CTNNA2: variants seen among roughly 807,000 people sequenced by gnomAD.
CTNNA2 encodes catenin alpha 2.
Under a neutral mutation model 101.0 loss-of-function variants are expected in CTNNA2, and 42 were observed. The observed-to-expected ratio is 0.42, with a 90% CI of 0.32 to 0.54. The LOEUF is 0.54. Ranked by LOEUF, CTNNA2 falls within the 20% of genes least tolerant of loss-of-function variation. The pLI is 0.14. For missense variants in CTNNA2, 871 were observed against 1,223.1 expected, an observed-to-expected ratio of 0.71 and a Z score of 4.29; for synonymous variants, 450 against 456.4, an observed-to-expected ratio of 0.99 and a Z score of 0.18.
At chr2:79,488,980 C>T (rs943165663) in intron 4 of CTNNA2, among the ~76,000 whole-genome samples, 1 of 152,156 alleles carries the variant, frequency 6.6e-6, no homozygotes, top group African/African-American at 2.4e-5. Flanking sequence ...CTGTTTTCTT[C>T]TCTACTTTAT....
intron 3 of CTNNA2, among the ~76,000 whole-genome samples, chr2:79,840,729 C>G (rs1449192023): frequency 6.6e-6 from 1 of 150,390 alleles, no homozygotes; most frequent in Non-Finnish European, 1.5e-5. Context: ...GGCCAGGAGT[C>G]TGAGATCAGC....
chr2:80,273,163 A>T (rs1320944031), intron 7 of CTNNA2, among the ~76,000 whole-genome samples: 2 of 152,158 alleles, frequency 1.3e-5, no homozygotes, highest in Non-Finnish European at 2.9e-5. Context: ...ATTATTTTTA[A>T]AATTTTTAAC....
At chr2:80,448,002 T>C (rs528417748) in intron 9 of CTNNA2, among the ~76,000 whole-genome samples, 24 of 152,340 alleles carry the variant, frequency 1.6e-4, no homozygotes, top group Admixed American at 1.2e-3. Context: ...ATATTTGTGG[T>C]AAAGTCTCCG....
chr2:80,095,633 T>G (rs1236023676), intron 7 of CTNNA2, among the ~76,000 whole-genome samples: 2 of 152,214 alleles, frequency 1.3e-5, no homozygotes, highest in Non-Finnish European at 2.9e-5. Flanking sequence ...CGTCTGGTCC[T>G]GGACTTTTTT....
rs191704298 is a variant in CTNNA2, at chr2:80,400,033, C to T, written c.1137+6742C>T. ...TCTTATCCAAAACTGTCACTGAAAA[C>T]GAGATAATTTTAGAGTGTGTGGTGC... On this transcript the variant is annotated intron_variant, in intron 8 of 18. Transcript: ENST00000402739. Among the ~76,000 whole-genome samples the T allele has an allele frequency of 1.3e-3, 197 of 152,248 alleles. 1 individual carries two copies. Among genetic ancestry groups the T allele is most frequent in the Non-Finnish European group, 2.5e-3 (167 of 68,010 alleles).
At chr2:79,858,271 A>G in intron 4 of CTNNA2, 92 bp downstream of exon 4, 2 of 1,009,738 alleles carry the variant, frequency 2.0e-6, no homozygotes, top group South Asian at 3.2e-5. Flanking sequence ...TAGATGTTTC[A>G]TTGCTCACCA....
intron 4 of CTNNA2, among the ~76,000 whole-genome samples, chr2:79,447,647 T>C (rs1257143777): frequency 6.6e-6 from 1 of 151,972 alleles, no homozygotes; most frequent in Non-Finnish European, 1.5e-5. Context: ...GTCAAGGACA[T>C]TGAGTTTCAA....
intron 9 of CTNNA2, among the ~76,000 whole-genome samples, chr2:80,432,454 G>A (rs1020228992): frequency 2.0e-5 from 3 of 152,140 alleles, no homozygotes; most frequent in East Asian, 3.8e-4. Flanking sequence ...CCAGATTGCT[G>A]CCTTTGGCTG....
chr2:79,869,202 C>G (rs1682388304), intron 4 of CTNNA2, among the ~76,000 whole-genome samples: 1 of 152,214 alleles, frequency 6.6e-6, no homozygotes, highest in South Asian at 2.1e-4. Flanking sequence ...TTGCCATCAT[C>G]CTCTCCACCC....
At chr2:80,492,788 G>A (rs1217364597) in intron 9 of CTNNA2, among the ~76,000 whole-genome samples, 1 of 152,040 alleles carries the variant, frequency 6.6e-6, no homozygotes, top group African/African-American at 2.4e-5. Context: ...GCCTTGTGCT[G>A]GTTTTTCCTT....
intron 2 of CTNNA2, among the ~76,000 whole-genome samples, chr2:79,293,777 A>G (rs975397733): frequency 6.6e-6 from 1 of 152,174 alleles, no homozygotes; most frequent in African/African-American, 2.4e-5. Flanking sequence ...GTATGAGGGT[A>G]AACAGAAAAT....
chr2:80,246,196 G>A (rs1671318020), intron 7 of CTNNA2, among the ~76,000 whole-genome samples: 1 of 152,148 alleles, frequency 6.6e-6, no homozygotes, highest in South Asian at 2.1e-4. Flanking sequence ...GCCCATCCCA[G>A]CATCAAATGC....
At chr2:80,169,727 G>A (rs1432504092) in intron 7 of CTNNA2, among the ~76,000 whole-genome samples, 4 of 152,226 alleles carry the variant, frequency 2.6e-5, no homozygotes, top group South Asian at 2.1e-4. Flanking sequence ...CACTAGCTCC[G>A]TGTCATTTTG....
intron 3 of CTNNA2, among the ~76,000 whole-genome samples, chr2:79,760,287 ATGTGTGTGTGTGTG>A (rs72350498): frequency 6.7e-6 from 1 of 149,734 alleles, no homozygotes; most frequent in East Asian, 2.0e-4. Context: ...TACATATAAA[ATGTGTGTGTGTGTG>A]TGTGTGTGTG....
intron 9 of CTNNA2, among the ~76,000 whole-genome samples, chr2:80,443,893 A>T (rs1425700675): frequency 6.6e-6 from 1 of 152,216 alleles, no homozygotes; most frequent in Non-Finnish European, 1.5e-5. Flanking sequence ...TGCCCTAGAG[A>T]CCAAATGGGG....
At chr2:79,311,408 C>CAAAAAAAGAA (rs1676368464) in intron 2 of CTNNA2, among the ~76,000 whole-genome samples, 1 of 67,060 alleles carries the variant, frequency 1.5e-5, no homozygotes, top group Non-Finnish European at 3.0e-5. Flanking sequence ...GACTCCGTCT[C>CAAAAAAAGAA]AAAAAAAAAA....
At chr2:80,122,164 C>T (rs565130728) in intron 7 of CTNNA2, among the ~76,000 whole-genome samples, 4 of 152,096 alleles carry the variant, frequency 2.6e-5, no homozygotes, top group African/African-American at 9.6e-5. Context: ...TGGAATCTCT[C>T]TCTTTCTCTC....
In CTNNA2 at chr2:80,647,929, T is replaced by G; in HGVS notation, c.*57T>G. The G allele has an allele frequency of 6.7e-7, 1 of 1,501,606 alleles. No homozygotes were observed. Among genetic ancestry groups the G allele is most frequent in the Non-Finnish European group, 8.9e-7 (1 of 1,121,864 alleles). The allele number at this position is 1,501,606 out of a possible 1,614,324, so 93.0% of individuals were successfully genotyped here. ...TTCTTTTCTTTCTTTCTTTTTCTTTTTAATTCCATTTTTGTATGCATACCT... is the reference window on the plus strand; with the variant it reads ...TTCTTTTCTTTCTTTCTTTTTCTTTGTAATTCCATTTTTGTATGCATACCT... On this transcript the variant is annotated 3_prime_UTR_variant, in exon 19 of 19. Transcript: ENST00000402739.
intron 4 of CTNNA2, among the ~76,000 whole-genome samples, chr2:79,401,625 C>T (rs1359121181): frequency 1.3e-5 from 2 of 151,034 alleles, no homozygotes; most frequent in Non-Finnish European, 3.0e-5. Flanking sequence ...AAGTAAATCA[C>T]AGGGAAATTA....
Sources: allele counts gnomAD v4.1 joint callset (sites outside exome capture counted in the v4.1 genomes callset), GRCh38; gene constraint gnomAD v4.1.1; transcripts MANE v1.5; gene names NCBI Gene and HGNC (gene_info 2026-07-23, HGNC 2026-07-21).